Variants in TBCA observed in about 807,000 individuals in gnomAD.
TBCA encodes tubulin folding cofactor A.
TBCA carries 6 observed loss-of-function variants against 15.8 expected under a neutral mutation model. The observed-to-expected ratio is 0.38, with a 90% CI of 0.21 to 0.75. The LOEUF is 0.75. Among genes scored for constraint, TBCA ranks in the 30% least tolerant of loss-of-function variants. The probability of loss-of-function intolerance (pLI) is 0.46; values close to 1 mark genes in which losing one functional copy is unlikely to be tolerated. For synonymous variants in TBCA, 32 were observed against 42.3 expected (o/e 0.76, Z 0.94); for missense variants, 90 against 131.2 (o/e 0.69, Z 1.53).
chr5:77,733,717 C>T (rs867255015), intron 1 of TBCA, among the ~76,000 whole-genome samples: 1 of 152,226 alleles, frequency 6.6e-6, no homozygotes, highest in African/African-American at 2.4e-5. Flanking sequence ...GTAGAAGCTA[C>T]AGCAAGTTAT....
chr5:77,734,737 C>T (rs773814308), intron 1 of TBCA, among the ~76,000 whole-genome samples: 17 of 152,160 alleles, frequency 1.1e-4, no homozygotes, highest in Admixed American at 3.3e-4. Context: ...AGAAGTTCTA[C>T]GTGAGTAAAA....
chr5:77,735,035 A>G (rs1471460836), intron 1 of TBCA, among the ~76,000 whole-genome samples: 1 of 152,244 alleles, frequency 6.6e-6, no homozygotes, highest in African/African-American at 2.4e-5. Context: ...CACACATAAT[A>G]TACTACAATA....
At chr5:77,735,180 T>G (rs1746870602) in intron 1 of TBCA, among the ~76,000 whole-genome samples, 1 of 152,210 alleles carries the variant, frequency 6.6e-6, no homozygotes, top group Non-Finnish European at 1.5e-5. Flanking sequence ...TATGAAGATT[T>G]TGGTTATTAA....
chr5:77,702,270 C>T (rs1365667150), intron 2 of TBCA, among the ~76,000 whole-genome samples: 1 of 152,084 alleles, frequency 6.6e-6, no homozygotes, highest in Non-Finnish European at 1.5e-5. Context: ...ACAGCAAAAA[C>T]CTGGAAACAA....
rs1580116578 is a variant in TBCA at position 77,734,112 on chromosome 5, T to C, written c.54-25765A>G. On this transcript the variant is annotated intron_variant, in intron 1 of 3. Coordinates refer to ENST00000380377, the MANE Select transcript of TBCA (RefSeq NM_004607.3). ...TACTGCTCAGAAAAAAAGACTCCTTTCAAAATATTACTGCTTACTGACAGT... is the reference window on the plus strand; with the variant it reads ...TACTGCTCAGAAAAAAAGACTCCTTCCAAAATATTACTGCTTACTGACAGT... Among the ~76,000 whole-genome samples the C allele has an allele frequency of 2.0e-5, 3 of 152,182 alleles. No homozygotes were observed. In the South Asian group the frequency reaches 6.2e-4, roughly 32 times the overall value.
intron 1 of TBCA, among the ~76,000 whole-genome samples, chr5:77,746,279 A>G (rs1747185375): frequency 6.6e-6 from 1 of 152,146 alleles, no homozygotes; most frequent in Non-Finnish European, 1.5e-5. Context: ...AAAAATAAAT[A>G]AAAATAAATA....
chr5:77,765,881 CAAAAAAA>C (rs70997944), intron 1 of TBCA, among the ~76,000 whole-genome samples: 15 of 130,400 alleles, frequency 1.2e-4, no homozygotes, highest in Non-Finnish European at 2.1e-4. Context: ...AAACTAGGGC[CAAAAAAA>C]AAAAAAAAAA....
chr5:77,711,321 A>C (rs1746273799), intron 1 of TBCA, among the ~76,000 whole-genome samples: 1 of 152,154 alleles, frequency 6.6e-6, no homozygotes, highest in East Asian at 1.9e-4. Flanking sequence ...AAAATATAAT[A>C]TCTGGTCCTT....
At chr5:77,730,687 A>C (rs1342018847) in intron 1 of TBCA, among the ~76,000 whole-genome samples, 2 of 151,932 alleles carry the variant, frequency 1.3e-5, no homozygotes, top group Non-Finnish European at 2.9e-5. Flanking sequence ...GAACCTTTCC[A>C]CTATATCATA....
intron 1 of TBCA, among the ~76,000 whole-genome samples, chr5:77,770,803 A>G (rs1747889881): frequency 6.6e-6 from 1 of 152,116 alleles, no homozygotes; most frequent in African/African-American, 2.4e-5. Context: ...AGTGAGTCAC[A>G]TGTGAACAAA....
At chr5:77,759,798 C>CTATGTATACTTTGTATAAG (rs1183265830) in intron 1 of TBCA, among the ~76,000 whole-genome samples, 1 of 152,100 alleles carries the variant, frequency 6.6e-6, no homozygotes, top group East Asian at 1.9e-4. Flanking sequence ...TCACAGAATA[C>CTATGTATACTTTGTATAAG]TATGTATACT....
chr5:77,763,167 CCG>C (rs975168494), intron 1 of TBCA, among the ~76,000 whole-genome samples: 6 of 152,048 alleles, frequency 3.9e-5, no homozygotes, highest in African/African-American at 1.4e-4. Flanking sequence ...TGGCGTGAAC[CCG>C]GGAGGCGGAG....
At chr5:77,706,987 G>T (rs1746165156) in intron 2 of TBCA, among the ~76,000 whole-genome samples, 1 of 152,054 alleles carries the variant, frequency 6.6e-6, no homozygotes, top group South Asian at 2.1e-4. Flanking sequence ...AAAGAAAGAA[G>T]AAATTGTTTT....
intron 1 of TBCA, among the ~76,000 whole-genome samples, chr5:77,760,038 CT>C (rs1167341551): frequency 6.6e-6 from 1 of 152,188 alleles, no homozygotes; most frequent in African/African-American, 2.4e-5. Context: ...TTTATCTGCC[CT>C]TTTTCTTCTT....
rs964714725 is a variant in TBCA, at chr5:77,776,316, C to A, written c.-59G>T. 20 of 1,545,550 alleles carry A rather than the reference C, an allele frequency of 1.3e-5. No individual in the cohort carries two copies. The African/African-American group carries it at 2.5e-4, about 19-fold the overall frequency. ...GAGCCGGGGTAACCGTGGAGGGCGA[C>A]GCGCAGAGGCTGCGGCTATTTAGGC... On this transcript the variant is annotated 5_prime_UTR_variant, in exon 1 of 4. Transcript: ENST00000380377.
intron 1 of TBCA, among the ~76,000 whole-genome samples, chr5:77,761,410 G>A (rs538897757): frequency 6.6e-6 from 1 of 152,218 alleles, no homozygotes; most frequent in African/African-American, 2.4e-5. Flanking sequence ...TGCAAGATGT[G>A]CTTTGTTAAA....
intron 1 of TBCA, among the ~76,000 whole-genome samples, chr5:77,713,627 T>C (rs1346883475): frequency 6.6e-6 from 1 of 152,202 alleles, no homozygotes; most frequent in Non-Finnish European, 1.5e-5. Context: ...TCTAATAATG[T>C]GGTAAGTCAA....
chr5:77,698,267 A>T (rs1446361959), intron 2 of TBCA, among the ~76,000 whole-genome samples: 2 of 152,126 alleles, frequency 1.3e-5, no homozygotes, highest in Non-Finnish European at 2.9e-5. Context: ...AGAGGATATC[A>T]TTACGGATCC....
chr5:77,730,570 T>C (rs1219148996), intron 1 of TBCA, among the ~76,000 whole-genome samples: 2 of 152,210 alleles, frequency 1.3e-5, no homozygotes, highest in East Asian at 3.8e-4. Context: ...AATTTTTTTT[T>C]TTTTTAGAAA....
Sources: gnomAD v4.1 joint callset for allele counts (sites outside exome capture counted in the v4.1 genomes callset) on GRCh38, gnomAD v4.1.1 for gene constraint, MANE v1.5 for transcripts, NCBI Gene and HGNC (gene_info 2026-07-23, HGNC 2026-07-21) for gene names.